ADAMTS3: variants seen among roughly 807,000 people sequenced by gnomAD.
ADAMTS3 encodes ADAM metallopeptidase with thrombospondin type 1 motif 3, also known as A disintegrin and metalloproteinase with thrombospondin motifs 3.
Under a neutral mutation model 129.0 loss-of-function variants are expected in ADAMTS3, and 73 were observed. That is an observed-to-expected ratio of 0.57 (90% CI 0.47 to 0.69). ADAMTS3 has a LOEUF of 0.69. ADAMTS3 is among the 30% of genes least tolerant of loss of function. ADAMTS3 has a pLI of 0.00. For synonymous variants in ADAMTS3, 477 were observed against 510.8 expected (o/e 0.93, Z 0.89); for missense variants, 1,457 against 1,514.5 (o/e 0.96, Z 0.63).
intron 3 of ADAMTS3, among the ~76,000 whole-genome samples, chr4:72,451,316 G>T (rs555358141): frequency 6.6e-6 from 1 of 151,580 alleles, no homozygotes; most frequent in African/African-American, 2.4e-5. Context: ...AAATGTCAGG[G>T]GAAAAAAAGT....
chr4:72,297,226 G>A (rs1718832897), intron 18 of ADAMTS3, among the ~76,000 whole-genome samples: 1 of 152,074 alleles, frequency 6.6e-6, no homozygotes, highest in African/African-American at 2.4e-5. Flanking sequence ...AGTGGTGACT[G>A]GAGTCTGGTG....
At chr4:72,370,457 G>A (rs186801927) in intron 4 of ADAMTS3, among the ~76,000 whole-genome samples, 1 of 152,258 alleles carries the variant, frequency 6.6e-6, no homozygotes, top group East Asian at 1.9e-4. Context: ...TATCTGCGCT[G>A]CCATTTACAT....
intron 4 of ADAMTS3, among the ~76,000 whole-genome samples, chr4:72,398,044 G>T (rs1721771174): frequency 6.6e-6 from 1 of 152,084 alleles, no homozygotes; most frequent in Non-Finnish European, 1.5e-5. Context: ...GGAGACAAAA[G>T]AAAATTTAAA....
chr4:72,331,483 C>T (rs116616820), intron 5 of ADAMTS3, among the ~76,000 whole-genome samples: 3,754 of 152,210 alleles, frequency 0.025, 156 homozygotes, highest in African/African-American at 0.085. Context: ...TTCTAAAACA[C>T]GGACTGATCA....
rs556145172 is a variant in ADAMTS3 at position 72,298,914 on chromosome 4, T to A, written c.2425-472A>T. 1.6e-4 allele frequency among the ~76,000 whole-genome samples: 24 copies of A among 152,074 alleles called. 2 individuals carry two copies. In the South Asian group the frequency reaches 5.0e-3, roughly 32 times the overall value. On this transcript the variant is annotated intron_variant, in intron 17 of 21. Coordinates refer to ENST00000286657, the MANE Select transcript of ADAMTS3 (RefSeq NM_014243.3). Reference sequence around the variant, plus strand: ...TTCAACGGAAATTGTTGTGTTGTGATGATAAAGATAGTAATGTTCCCTCCA... The same window carrying A: ...TTCAACGGAAATTGTTGTGTTGTGAAGATAAAGATAGTAATGTTCCCTCCA...
intron 2 of ADAMTS3, among the ~76,000 whole-genome samples, chr4:72,560,790 C>T (rs1044827112): frequency 6.6e-6 from 1 of 152,150 alleles, no homozygotes; most frequent in Non-Finnish European, 1.5e-5. Context: ...CCATGACACA[C>T]GTTTACCTAT....
chr4:72,520,583 T>C (rs1720638856), intron 3 of ADAMTS3, among the ~76,000 whole-genome samples: 1 of 152,156 alleles, frequency 6.6e-6, no homozygotes, highest in Non-Finnish European at 1.5e-5. Flanking sequence ...CGCCTTGCAG[T>C]TTGATCTCAG....
intron 3 of ADAMTS3, among the ~76,000 whole-genome samples, chr4:72,481,652 T>G (rs1416600507): frequency 6.6e-6 from 1 of 152,184 alleles, no homozygotes; most frequent in East Asian, 1.9e-4. Context: ...AGAGTTCTTA[T>G]GACATGAACC....
chr4:72,367,313 C>G (rs1720893045), intron 4 of ADAMTS3, among the ~76,000 whole-genome samples: 1 of 152,090 alleles, frequency 6.6e-6, no homozygotes, highest in Admixed American at 6.5e-5. Flanking sequence ...CCATAGCTTA[C>G]TATCTATACT....
intron 3 of ADAMTS3, among the ~76,000 whole-genome samples, chr4:72,539,311 AAAC>A (rs991578901): frequency 1.3e-5 from 2 of 152,128 alleles, no homozygotes; most frequent in East Asian, 3.9e-4. Context: ...ACTCAACAAA[AAAC>A]AACCACCAGA....
chr4:72,315,438 GAA>G (rs372688835), intron 11 of ADAMTS3, among the ~76,000 whole-genome samples: 237 of 152,266 alleles, frequency 1.6e-3, no homozygotes, highest in African/African-American at 5.3e-3. Flanking sequence ...TAAAGATGAG[GAA>G]AACGCAATGT....
At chr4:72,313,053 C>T (rs1434647060) in intron 12 of ADAMTS3, among the ~76,000 whole-genome samples, 4 of 152,128 alleles carry the variant, frequency 2.6e-5, no homozygotes, top group African/African-American at 4.8e-5. Flanking sequence ...AAGACGTGCT[C>T]AGAGACATCC....
intron 2 of ADAMTS3, 53 bp from the exon 3 acceptor site, chr4:72,548,937 A>C (rs1248152535): frequency 7.2e-6 from 11 of 1,535,142 alleles, no homozygotes; most frequent in Non-Finnish European, 9.7e-6. Flanking sequence ...AGAACACAGG[A>C]GAACATAACA....
chr4:72,514,501 G>C (rs1461977255), intron 3 of ADAMTS3, among the ~76,000 whole-genome samples: 3 of 152,034 alleles, frequency 2.0e-5, no homozygotes, highest in African/African-American at 7.2e-5. Flanking sequence ...TCTTTTCTGA[G>C]GAAAACTCTC....
At chr4:72,396,247 T>A (rs565524848) in intron 4 of ADAMTS3, among the ~76,000 whole-genome samples, 5 of 152,018 alleles carry the variant, frequency 3.3e-5, no homozygotes, top group Non-Finnish European at 4.4e-5. Flanking sequence ...AGAGGTAAGG[T>A]AAGGAAAAAG....
rs1721451734 is a variant in ADAMTS3 at position 72,545,832 on chromosome 4, C to T, written c.504+2646G>A. ...AAATGTCAACATGTCGAAATCAGCC[C>T]TCAAAAACTTTCTTTTCTAAATCCA... On this transcript the variant is annotated intron_variant, in intron 3 of 21. Coordinates refer to ENST00000286657, the MANE Select transcript of ADAMTS3 (RefSeq NM_014243.3). 2.0e-5 allele frequency among the ~76,000 whole-genome samples: 3 copies of T among 152,258 alleles called. No homozygotes were observed. The South Asian group carries it at 6.2e-4, about 32-fold the overall frequency.
intron 5 of ADAMTS3, among the ~76,000 whole-genome samples, chr4:72,330,088 G>A (rs567634379): frequency 1.3e-3 from 204 of 152,004 alleles, no homozygotes; most frequent in Non-Finnish European, 2.4e-3. Flanking sequence ...GCATCATCTC[G>A]GCTCACTGCA....
chr4:72,564,792 C>A (rs1301072339), intron 2 of ADAMTS3, among the ~76,000 whole-genome samples: 2 of 152,154 alleles, frequency 1.3e-5, no homozygotes, highest in Non-Finnish European at 2.9e-5. Flanking sequence ...AAATAAAAGC[C>A]TTCCTAGTCT....
At chr4:72,294,337 T>G (rs1198161627) in intron 19 of ADAMTS3, among the ~76,000 whole-genome samples, 1 of 152,004 alleles carries the variant, frequency 6.6e-6, no homozygotes, top group Non-Finnish European at 1.5e-5. Flanking sequence ...GGTCAAGGGG[T>G]ACAAAGTTTC....
Sources: allele counts gnomAD v4.1 joint callset (sites outside exome capture counted in the v4.1 genomes callset), GRCh38; gene constraint gnomAD v4.1.1; transcripts MANE v1.5; gene names NCBI Gene and HGNC (gene_info 2026-07-23, HGNC 2026-07-21).